Variants in FAM193A observed in about 807,000 individuals in gnomAD.
FAM193A encodes protein FAM193A.
Under a neutral mutation model 126.5 loss-of-function variants are expected in FAM193A, and 22 were observed. The ratio of observed to expected loss-of-function variants is 0.17; its 90% CI spans 0.12 to 0.25. The LOEUF is 0.25. Among genes scored for constraint, FAM193A ranks in the 10% least tolerant of loss-of-function variants. FAM193A has a pLI of 1.00. For missense variants in FAM193A, 1,675 were observed against 1,672.8 expected (o/e 1.00, Z -0.02); for synonymous variants, 761 against 646.8 (o/e 1.18, Z -2.68).
chr4:2,619,639 G>T (rs1742421583), intron 2 of FAM193A, among the ~76,000 whole-genome samples: 1 of 152,004 alleles, frequency 6.6e-6, no homozygotes, highest in South Asian at 2.1e-4. Flanking sequence ...AAAGTGCTGG[G>T]ATAATAGGCG....
chr4:2,656,378 C>G (rs567255287), intron 7 of FAM193A, among the ~76,000 whole-genome samples: 4 of 152,284 alleles, frequency 2.6e-5, no homozygotes, highest in African/African-American at 9.6e-5. Context: ...TTCCTTCTCC[C>G]TCGAGTCAGT....
At chr4:2,580,826 C>G (rs1739875930) in intron 1 of FAM193A, among the ~76,000 whole-genome samples, 1 of 152,212 alleles carries the variant, frequency 6.6e-6, no homozygotes, top group Non-Finnish European at 1.5e-5. Flanking sequence ...AACCTCTGTT[C>G]TTTATAAGTT....
chr4:2,555,087 A>G (rs1738174603), intron 1 of FAM193A, among the ~76,000 whole-genome samples: 1 of 152,114 alleles, frequency 6.6e-6, no homozygotes, highest in African/African-American at 2.4e-5. Context: ...TCCTGGCCTA[A>G]TAACTAATTT....
chr4:2,717,457 G>A (rs747449945), intron 20 of FAM193A, among the ~76,000 whole-genome samples: 4 of 151,928 alleles, frequency 2.6e-5, no homozygotes, highest in Admixed American at 6.6e-5. Context: ...TTACCTGGAC[G>A]TGGTGACAAG....
In FAM193A at chr4:2,690,126, A is replaced by G. The variant is rs138144207; in HGVS notation, c.2530+422A>G. Among the ~76,000 whole-genome samples, 198 of 152,322 alleles carry G rather than the reference A, an allele frequency of 1.3e-3. 1 individual carries two copies. Among genetic ancestry groups the G allele is most frequent in the African/African-American group, 4.6e-3 (191 of 41,576 alleles). On this transcript the variant is annotated intron_variant, in intron 14 of 20. Coordinates refer to ENST00000637812, the MANE Select transcript of FAM193A (RefSeq NM_001366318.2). ...GTGACTCACACTCCTTCCTCTGGTTACTGCATTGGCGCCACGTGGCATCTC... is the reference window on the plus strand; with the variant it reads ...GTGACTCACACTCCTTCCTCTGGTTGCTGCATTGGCGCCACGTGGCATCTC...
chr4:2,612,880 A>C (rs1024096465), intron 2 of FAM193A, among the ~76,000 whole-genome samples: 2 of 152,204 alleles, frequency 1.3e-5, no homozygotes, highest in Admixed American at 6.5e-5. Context: ...TTCTTTTTCA[A>C]AAGTGGTTTG....
intron 2 of FAM193A, among the ~76,000 whole-genome samples, chr4:2,619,626 C>T (rs1262477621): frequency 6.6e-6 from 1 of 152,064 alleles, no homozygotes; most frequent in African/African-American, 2.4e-5. Context: ...GCCTCTGCCT[C>T]CCAAAGTGCT....
Position 2,690,758 on chromosome 4 carries a change from C to G in FAM193A, c.2591C>G (p.Ser864Cys). Residue 864 changes from serine (S) to cysteine (C), a missense_variant, in exon 15 of 21, where the codon TCT becomes TGT. Coordinates refer to ENST00000637812, the MANE Select transcript of FAM193A (RefSeq NM_001366318.2). ...ETRPEALPPP[S>C]SNETPAVSDS... ...AGACCGGAAGCCCTTCCACCTCCAT[C>G]TAGCAATGAAACACCTGCAGTCTCG... 6.2e-7 allele frequency: 1 copy of G among 1,614,020 alleles called. No homozygotes were observed. Among genetic ancestry groups the G allele is most frequent in the African/African-American group, 1.3e-5 (1 of 75,040 alleles).
chr4:2,590,447 G>C (rs1370886251), intron 1 of FAM193A, among the ~76,000 whole-genome samples: 1 of 113,704 alleles, frequency 8.8e-6, no homozygotes, highest in Non-Finnish European at 1.7e-5. Flanking sequence ...CCTGGTGACA[G>C]AGCGAGACTC....
intron 1 of FAM193A, among the ~76,000 whole-genome samples, chr4:2,540,424 C>T (rs756867798): frequency 3.9e-5 from 6 of 151,972 alleles, no homozygotes; most frequent in South Asian, 2.1e-4. Context: ...GCCGAGATGG[C>T]GCCACTGCAC....
At chr4:2,633,822 G>A (rs1743837103) in intron 5 of FAM193A, among the ~76,000 whole-genome samples, 1 of 152,182 alleles carries the variant, frequency 6.6e-6, no homozygotes, top group African/African-American at 2.4e-5. Flanking sequence ...GAACCTGGGA[G>A]GTGGAGGTTG....
rs1329355044 is a variant in FAM193A at position 2,639,837 on chromosome 4, C to T, written c.1141C>T (p.Pro381Ser). ...GGAGCCACTTCTTCAGAGCAACTTG[C>T]CCGCACTGGTGTCACAGATCAGGTA... ...FSEPLLQSNLPALVSQIRLGT... is the reference protein window; with the variant it reads ...FSEPLLQSNLSALVSQIRLGT... The change falls in exon 6 of 21, where the codon CCC (proline) becomes TCC (serine). Residue 381 changes from proline to serine, a missense_variant. Transcript: ENST00000637812. 3 of 1,614,004 alleles carry T rather than the reference C, an allele frequency of 1.9e-6. No individual in the cohort carries two copies. Among genetic ancestry groups the T allele is most frequent in the South Asian group, 1.1e-5 (1 of 91,074 alleles).
At chr4:2,585,359 A>G (rs1740175183) in intron 1 of FAM193A, among the ~76,000 whole-genome samples, 1 of 152,010 alleles carries the variant, frequency 6.6e-6, no homozygotes, top group Non-Finnish European at 1.5e-5. Flanking sequence ...GAGAGTTCCC[A>G]TTGTTTCATG....
intron 13 of FAM193A, among the ~76,000 whole-genome samples, chr4:2,680,527 G>A (rs1027228375): frequency 6.6e-6 from 1 of 151,896 alleles, no homozygotes; most frequent in Non-Finnish European, 1.5e-5. Context: ...AGAGAAGACA[G>A]GGTCTCACTA....
At chr4:2,683,200 T>A (rs1446647546) in intron 13 of FAM193A, among the ~76,000 whole-genome samples, 6 of 152,216 alleles carry the variant, frequency 3.9e-5, no homozygotes, top group African/African-American at 1.4e-4. Context: ...TCTGACAAGA[T>A]GTCCTCTGGA....
chr4:2,604,920 C>T (rs1741444419), intron 2 of FAM193A, among the ~76,000 whole-genome samples: 1 of 149,658 alleles, frequency 6.7e-6, no homozygotes, highest in African/African-American at 2.5e-5. Context: ...AGCTTAGCCT[C>T]CTGAGTAGCT....
intron 5 of FAM193A, among the ~76,000 whole-genome samples, chr4:2,633,057 C>T (rs1278161256): frequency 6.6e-6 from 1 of 152,150 alleles, no homozygotes; most frequent in African/African-American, 2.4e-5. Context: ...TTAATTTGAA[C>T]CATATTTATT....
At chr4:2,615,670 C>T (rs187449695) in intron 2 of FAM193A, among the ~76,000 whole-genome samples, 4 of 152,172 alleles carry the variant, frequency 2.6e-5, no homozygotes, top group Non-Finnish European at 4.4e-5. Context: ...AGGCGTGCGC[C>T]ACCACGCCCA....
intron 13 of FAM193A, among the ~76,000 whole-genome samples, chr4:2,686,997 C>CT (rs1715814037): frequency 6.6e-6 from 1 of 152,132 alleles, no homozygotes. Context: ...AAAACAATGA[C>CT]TTCAGGCCCT....
Sources: allele counts gnomAD v4.1 joint callset (sites outside exome capture counted in the v4.1 genomes callset), GRCh38; gene constraint gnomAD v4.1.1; transcripts MANE v1.5; gene names NCBI Gene and HGNC (gene_info 2026-07-23, HGNC 2026-07-21).